MGAM: variants seen among roughly 807,000 people sequenced by gnomAD.
MGAM encodes the protein alpha-1,4-glucosidase.
MGAM carries 253 observed loss-of-function variants against 358.8 expected under a neutral mutation model. The ratio of observed to expected loss-of-function variants is 0.71; its 90% CI spans 0.64 to 0.78. MGAM has a LOEUF of 0.78. Ranked by LOEUF, MGAM falls within the 30% of genes least tolerant of loss-of-function variation. The probability of loss-of-function intolerance (pLI) is 0.00; values close to 1 mark genes in which losing one functional copy is unlikely to be tolerated. For missense variants in MGAM, 3,080 were observed against 3,432.6 expected (o/e 0.90, Z 2.57); for synonymous variants, 1,105 against 1,227.1 (o/e 0.90, Z 2.08).
chr7:142,062,467 C>T lies in MGAM; in HGVS notation c.4123-101C>T. On this transcript the variant is annotated intron_variant, in intron 34 of 70. Transcript: ENST00000475668. ...AGGCCCTGTTCAGGCTGTCTGTCACCATGCAGTTGAAGTATTTGTGTGAGT... is the reference window on the plus strand; with the variant it reads ...AGGCCCTGTTCAGGCTGTCTGTCACTATGCAGTTGAAGTATTTGTGTGAGT... 2.8e-6 allele frequency: 4 copies of T among 1,446,720 alleles called. No individual in the cohort carries two copies. The South Asian group carries it at 5.6e-5, about 20-fold the overall frequency. The allele number at this position is 1,446,720 out of a possible 1,614,324, so 89.6% of individuals were successfully genotyped here. A position where few individuals can be genotyped will look rare whatever the true frequency, so the allele number is the denominator to read the frequency against.
At position 142,050,695 on chromosome 7, in the gene MGAM, A is replaced by G. The variant is rs1245230172; in HGVS notation, c.2638-2A>G. The G allele has an allele frequency of 6.2e-7, 1 of 1,612,696 alleles. No homozygotes were observed. ...GCATACTTGGACTTAATTGTTTTGCAGAACCGCTTGGAGGTGAATATTTCA... is the reference window on the plus strand; with the variant it reads ...GCATACTTGGACTTAATTGTTTTGCGGAACCGCTTGGAGGTGAATATTTCA... On this transcript the variant is annotated splice_acceptor_variant, in intron 23 of 70. Coordinates refer to ENST00000475668, the MANE Select transcript of MGAM (RefSeq NM_001365693.1). LOFTEE classifies it high-confidence loss of function.
At chr7:141,998,506 G>A (rs1403258116) in intron 1 of MGAM, among the ~76,000 whole-genome samples, 1 of 152,160 alleles carries the variant, frequency 6.6e-6, no homozygotes, top group Non-Finnish European at 1.5e-5. Context: ...AACATGTAGT[G>A]TTTGGTTTTC....
intron 14 of MGAM, 41 bp from the exon 15 acceptor site, chr7:142,034,221 G>A (rs782020935): frequency 7.0e-7 from 1 of 1,419,890 alleles, no homozygotes; most frequent in African/African-American, 1.4e-5. Flanking sequence ...CAGAAAATGT[G>A]CAACTTAGGC....
intron 43 of MGAM, 97 bp downstream of exon 43, chr7:142,068,800 C>G (rs1158794669): frequency 1.1e-5 from 11 of 1,045,052 alleles, no homozygotes; most frequent in Non-Finnish European, 1.6e-5. Context: ...GGCTCTGTAA[C>G]CCACCTGCTG....
At chr7:142,027,760 C>A in intron 10 of MGAM, 25 bp downstream of exon 10, 1 of 1,509,172 alleles carries the variant, frequency 6.6e-7, no homozygotes, top group Non-Finnish European at 8.9e-7. Flanking sequence ...CAACAGTTCT[C>A]CAAAAGTAAA....
At chr7:141,996,126 A>G (rs141277257) in intron 1 of MGAM, among the ~76,000 whole-genome samples, 196 bp downstream of exon 1, 1,715 of 151,946 alleles carry the variant, frequency 0.011, 37 homozygotes, top group African/African-American at 0.039. Flanking sequence ...GTGAAACCCC[A>G]TCTCTACTAA....
intron 44 of MGAM, among the ~76,000 whole-genome samples, chr7:142,071,974 C>T (rs1467559406): frequency 6.9e-6 from 1 of 145,702 alleles, no homozygotes; most frequent in Non-Finnish European, 1.6e-5. Flanking sequence ...TCTTTTGAAC[C>T]TCTCTTACTG....
intron 3 of MGAM, among the ~76,000 whole-genome samples, chr7:142,018,184 G>A (rs2004096520): frequency 6.6e-6 from 1 of 152,182 alleles, no homozygotes; most frequent in Non-Finnish European, 1.5e-5. Flanking sequence ...TGCAGTCAAA[G>A]TGTCTTCCAG....
Position 142,052,312 on chromosome 7 carries a change from A to C in MGAM, c.2824A>C (p.Ile942Leu). Residue 942 changes from isoleucine (I) to leucine (L), a missense_variant, in exon 25 of 71, where the codon ATT becomes CTT. By Grantham distance (5) the Ile-to-Leu change is conservative (BLOSUM62 2). Coordinates refer to ENST00000475668, the MANE Select transcript of MGAM (RefSeq NM_001365693.1). Reference protein sequence around the residue: ...SNLKVAIITDIDLLLGEAYTV... With the variant: ...SNLKVAIITDLDLLLGEAYTV... ...CCTACAGGTTGCCATTATCACAGAT[A>C]TTGATCTTCTCCTGGGAGAAGCATA... The C allele has an allele frequency of 6.2e-7, 1 of 1,605,948 alleles. No homozygotes were observed. Among genetic ancestry groups the C allele is most frequent in the Non-Finnish European group, 8.5e-7 (1 of 1,175,644 alleles).
In MGAM at chr7:142,008,696, G is replaced by T. The variant is rs377148306; in HGVS notation, c.318G>T (p.Pro106=). 82 of 1,611,672 alleles carry T rather than the reference G, an allele frequency of 5.1e-5. No homozygotes were observed. The highest frequency in any genetic ancestry group is 6.6e-5 in the Non-Finnish European group (78 of 1,178,846). ...GAATTAATTGCATCCCTGACCAGCC[G>T]CCAACAAAGGTTTGAGTTATGAATT... ...LERINCIPDQ[P]PTKATCDQRG... The change falls in exon 3 of 71, where the codon CCG becomes CCT. Residue 106 remains proline (P), a synonymous_variant. Coordinates refer to ENST00000475668, the MANE Select transcript of MGAM (RefSeq NM_001365693.1).
At chr7:142,096,498 T>G in intron 65 of MGAM, 83 bp downstream of exon 65, 1 of 1,462,000 alleles carries the variant, frequency 6.8e-7, no homozygotes, top group South Asian at 1.1e-5. Context: ...CCTGAGCTGG[T>G]GGGGGTCCTA....
intron 2 of MGAM, among the ~76,000 whole-genome samples, chr7:141,988,644 C>G (rs1196564042): frequency 6.6e-6 from 1 of 152,090 alleles, no homozygotes; most frequent in Non-Finnish European, 1.5e-5. Context: ...GGATTACAGG[C>G]GTGAGCCACC....
In MGAM at chr7:142,064,416, A is replaced by G. The variant is rs1783163618; in HGVS notation, c.4378A>G (p.Lys1460Glu). ...LESRDRGLSS[K>E]TLCMESQQIL... ...GTCCAGGGACAGGGGCCTGAGCAGC[A>G]AGACCCTTTGTATGGAGAGTCAGCA... Residue 1460 changes from lysine to glutamate, a missense_variant, in exon 37 of 71, where the codon AAG (lysine) becomes GAG (glutamate). Lys to Glu is a moderately conservative substitution (Grantham distance 56, BLOSUM62 1). This residue lies in a region of MGAM where 1,816 missense variants were observed against 1,840.5 expected (regional missense o/e 0.99). Transcript: ENST00000475668. 6.2e-7 allele frequency: 1 copy of G among 1,608,496 alleles called. No individual in the cohort carries two copies. The highest frequency in any genetic ancestry group is 1.3e-5 in the African/African-American group (1 of 74,850).
At chr7:142,065,650 A>G (rs769723386) in intron 39 of MGAM, 28 bp downstream of exon 39, 2 of 1,612,732 alleles carry the variant, frequency 1.2e-6, no homozygotes, top group Non-Finnish European at 8.5e-7. Context: ...CCTCCTAAGC[A>G]CCAAGAAGGT....
At position 142,082,048 on chromosome 7, in the gene MGAM, C is replaced by A. The variant is rs1280463923; in HGVS notation, c.6009C>A (p.Asp2003Glu). The A allele has an allele frequency of 3.2e-6, 5 of 1,555,168 alleles. No homozygotes were observed. The highest frequency in any genetic ancestry group is 2.6e-6 in the Non-Finnish European group (3 of 1,132,262). ...RRKSTGTIIW[D>E]SQLLGFTFND... ...CTGCCTTTTTGTGTTTCAGTTGGGA[C>A]TCTCAGCTCCTTGGCTTCACCTTCA... Residue 2003 changes from aspartate (D) to glutamate (E), a missense_variant, in exon 51 of 71, where the codon GAC becomes GAA. Asp to Glu is a conservative substitution (Grantham distance 45). This residue lies in a region of MGAM where 932 missense variants were observed against 1,198.2 expected (regional missense o/e 0.78). Transcript: ENST00000475668.
At position 142,088,992 on chromosome 7, in the gene MGAM, G is replaced by GTATCTATCTATC. The variant is rs1468943382; in HGVS notation, c.6810+2278_6810+2279insCTATCTATCTAT. On this transcript the variant is annotated intron_variant, in intron 57 of 70. Coordinates refer to ENST00000475668, the MANE Select transcript of MGAM (RefSeq NM_001365693.1). ...TGTATGTATGTATGTATGTATGTAT[G>GTATCTATCTATC]TATGTATCTATCTATCTATCTATCT... Among the ~76,000 whole-genome samples the GTATCTATCTATC allele has an allele frequency of 2.9e-4, 19 of 64,414 alleles. 3 individuals are homozygous for GTATCTATCTATC. The highest frequency in any genetic ancestry group is 7.6e-3 in the Middle Eastern group (1 of 132). 42.3% of individuals were successfully genotyped at this position (64,414 alleles called of 152,430 possible).
At chr7:142,070,657 C>G (rs1368663054) in intron 43 of MGAM, among the ~76,000 whole-genome samples, 1 of 145,758 alleles carries the variant, frequency 6.9e-6, no homozygotes, top group Admixed American at 6.9e-5. Flanking sequence ...AGTGCTGAGA[C>G]TGAAAAGCCC....
At position 142,079,772 on chromosome 7, in the gene MGAM, A is replaced by T. The variant is rs376905763; in HGVS notation, c.5847+764A>T. Among the ~76,000 whole-genome samples the T allele has an allele frequency of 6.8e-5, 10 of 146,462 alleles. No homozygotes were observed. In the East Asian group the frequency reaches 8.0e-4, roughly 12 times the overall value. ...GACAGAGTAAGTGAAAGTGATCAGG[A>T]CATTGTCACATTGCCTGAAAATTTC... is the stretch of plus-strand genomic sequence containing the variant. On this transcript the variant is annotated intron_variant, in intron 49 of 70. Transcript: ENST00000475668.
rs1388550516 is a variant in MGAM at position 142,094,543 on chromosome 7, G to A, written c.7306+46G>A. On this transcript the variant is annotated intron_variant, in intron 61 of 70. Transcript: ENST00000475668. ...GCCTGTGCCGGTAGGGCAGGGAGTT[G>A]GGATCCTTGGGGAAGAGGTGAGGAG... 1.2e-5 allele frequency: 19 copies of A among 1,556,418 alleles called. 1 individual carries two copies. Among genetic ancestry groups the A allele is most frequent in the Non-Finnish European group, 1.7e-5 (19 of 1,132,804 alleles).
Sources: gnomAD v4.1 joint callset for allele counts (sites outside exome capture counted in the v4.1 genomes callset) on GRCh38, gnomAD v4.1.1 for gene constraint, gnomAD v4.1.1 regional missense constraint, MANE v1.5 for transcripts, NCBI Gene and HGNC (gene_info 2026-07-23, HGNC 2026-07-21) for gene names.